The following ARHGAP26 variants were observed in gnomAD, a reference collection of about 807,000 sequenced individuals.
ARHGAP26 encodes the protein rho GTPase-activating protein 26.
In ARHGAP26, 38 loss-of-function variants were observed where a neutral mutation model predicts 104.8. The observed-to-expected ratio is 0.36, with a 90% CI of 0.28 to 0.48. ARHGAP26 has a LOEUF of 0.48. Among genes scored for constraint, ARHGAP26 ranks in the 20% least tolerant of loss-of-function variants. ARHGAP26 has a pLI of 0.99. For missense variants in ARHGAP26, 704 were observed against 947.9 expected, an observed-to-expected ratio of 0.74 and a Z score of 3.38; for synonymous variants, 341 against 340.0, an observed-to-expected ratio of 1.00 and a Z score of -0.03.
chr5:143,106,932 G>T (rs182379364), intron 17 of ARHGAP26, among the ~76,000 whole-genome samples: 44 of 152,310 alleles, frequency 2.9e-4, no homozygotes, highest in African/African-American at 9.1e-4. Flanking sequence ...CAGCTCACAG[G>T]TCTCTTCCCT....
At chr5:143,088,754 C>A (rs2150507673) in intron 17 of ARHGAP26, among the ~76,000 whole-genome samples, 1 of 152,266 alleles carries the variant, frequency 6.6e-6, no homozygotes, top group South Asian at 2.1e-4. Flanking sequence ...GGTTTTTATC[C>A]CTGACATATG....
At chr5:142,805,294 G>A (rs1050352340) in intron 1 of ARHGAP26, among the ~76,000 whole-genome samples, 2 of 151,920 alleles carry the variant, frequency 1.3e-5, no homozygotes, top group Non-Finnish European at 2.9e-5. Context: ...TAGATGTGCG[G>A]TTTTGCCATG....
At chr5:142,778,939 A>G (rs1475706603) in intron 1 of ARHGAP26, among the ~76,000 whole-genome samples, 2 of 138,170 alleles carry the variant, frequency 1.4e-5, no homozygotes, top group Non-Finnish European at 3.0e-5. Context: ...CAACCAAGGG[A>G]TAGAAAAAAA....
chr5:143,181,841 G>A (rs541529384), intron 20 of ARHGAP26, among the ~76,000 whole-genome samples: 3 of 152,240 alleles, frequency 2.0e-5, no homozygotes, highest in Non-Finnish European at 4.4e-5. Flanking sequence ...TCAGGAATTT[G>A]TTTAAAACCC....
chr5:143,187,724 A>G (rs570305085), intron 20 of ARHGAP26, among the ~76,000 whole-genome samples: 170 of 152,332 alleles, frequency 1.1e-3, no homozygotes, highest in Non-Finnish European at 2.0e-3. Context: ...GCTTACCCCT[A>G]TGCAAAATCA....
intron 17 of ARHGAP26, among the ~76,000 whole-genome samples, chr5:143,094,912 G>A (rs1377634232): frequency 3.9e-5 from 6 of 152,136 alleles, no homozygotes; most frequent in African/African-American, 9.7e-5. Context: ...ATCAAAAAAG[G>A]TTGCTTTAAG....
intron 12 of ARHGAP26, among the ~76,000 whole-genome samples, chr5:143,034,124 T>C (rs1027981385): frequency 1.3e-5 from 2 of 152,144 alleles, no homozygotes; most frequent in African/African-American, 4.8e-5. Context: ...TTAGGAGAAA[T>C]TGGAACCCTC....
chr5:143,012,134 A>C (rs545512207), intron 11 of ARHGAP26, among the ~76,000 whole-genome samples: 28 of 152,328 alleles, frequency 1.8e-4, no homozygotes, highest in Admixed American at 1.6e-3. Flanking sequence ...CTTTTCATTC[A>C]TTAGACAATC....
At chr5:142,963,723 T>C (rs1039591124) in intron 11 of ARHGAP26, among the ~76,000 whole-genome samples, 3 of 152,188 alleles carry the variant, frequency 2.0e-5, no homozygotes, top group Non-Finnish European at 4.4e-5. Flanking sequence ...TCCCAACCTC[T>C]AGAACCTTCT....
chr5:143,179,952 A>G (rs755480453), intron 20 of ARHGAP26, among the ~76,000 whole-genome samples: 12 of 152,138 alleles, frequency 7.9e-5, no homozygotes, highest in South Asian at 2.1e-4. Context: ...TCTGGCAACA[A>G]TGGTCATTGT....
chr5:142,971,733 AG>A (rs1260476402), intron 11 of ARHGAP26, among the ~76,000 whole-genome samples: 2 of 152,222 alleles, frequency 1.3e-5, no homozygotes, highest in Non-Finnish European at 2.9e-5. Flanking sequence ...GGAAACCAAA[AG>A]CTTAAAGAGG....
At chr5:142,776,927 G>C (rs76389746) in intron 1 of ARHGAP26, among the ~76,000 whole-genome samples, 6,562 of 152,196 alleles carry the variant, frequency 0.043, 262 homozygotes, top group African/African-American at 0.1. Context: ...GCCAATACTT[G>C]TTGTTGTCTT....
rs143365270 is a variant in ARHGAP26 at position 143,040,247 on chromosome 5, G to T, written c.1211-1569G>T. Among the ~76,000 whole-genome samples, 33 of 152,320 alleles carry T rather than the reference G, an allele frequency of 2.2e-4. No homozygotes were observed. The East Asian group carries it at 6.2e-3, about 28-fold the overall frequency. ...GTTTTTGACCAGGGACTCCTAGTCCGTGAATCATGCAGAATGATGTACATG... is the reference window on the plus strand; with the variant it reads ...GTTTTTGACCAGGGACTCCTAGTCCTTGAATCATGCAGAATGATGTACATG... On this transcript the variant is annotated intron_variant, in intron 13 of 22. Coordinates refer to ENST00000645722, the MANE Select transcript of ARHGAP26 (RefSeq NM_001135608.3).
At chr5:143,176,217 G>A (rs555445865) in intron 20 of ARHGAP26, among the ~76,000 whole-genome samples, 1 of 152,308 alleles carries the variant, frequency 6.6e-6, no homozygotes, top group African/African-American at 2.4e-5. Flanking sequence ...GATTAGCCAA[G>A]CATTTGTTCC....
intron 11 of ARHGAP26, among the ~76,000 whole-genome samples, chr5:143,012,558 T>TATATATATATATATATATAC (rs1778986914): frequency 1.1e-4 from 8 of 72,416 alleles, no homozygotes; most frequent in South Asian, 6.8e-4. Flanking sequence ...CATACATATA[T>TATATATATATATATATATAC]ATATATATAT....
chr5:142,901,835 A>G (rs1760384451), intron 6 of ARHGAP26, 100 bp from the exon 7 acceptor site: 2 of 908,538 alleles, frequency 2.2e-6, no homozygotes, highest in Non-Finnish European at 3.4e-6. Flanking sequence ...ATTATTCTTT[A>G]TTTTAGACTT....
chr5:143,215,459 G>T (rs1400740736), intron 22 of ARHGAP26, among the ~76,000 whole-genome samples: 1 of 152,024 alleles, frequency 6.6e-6, no homozygotes, highest in African/African-American at 2.4e-5. Context: ...ATTTTTTAAC[G>T]GTTTATTAAG....
At chr5:142,833,625 G>A (rs560557238) in intron 1 of ARHGAP26, among the ~76,000 whole-genome samples, 76 of 152,180 alleles carry the variant, frequency 5.0e-4, no homozygotes, top group African/African-American at 1.8e-3. Flanking sequence ...CATTTTTAAG[G>A]GCTTTGGGGA....
In ARHGAP26 at chr5:142,942,533, T is replaced by C. The variant is rs113406277; in HGVS notation, c.1107+10408T>C. Among the ~76,000 whole-genome samples, 348 of 152,326 alleles carry C rather than the reference T, an allele frequency of 2.3e-3. 2 individuals carry two copies. The highest frequency in any genetic ancestry group is 4.1e-3 in the Non-Finnish European group (281 of 68,026). On this transcript the variant is annotated intron_variant, in intron 11 of 22. Transcript: ENST00000645722. ...ACAAGTACTACTGTGGTGTGTTGCCTGCATTCATATTTGAAGGAAACAATA... is the reference window on the plus strand; with the variant it reads ...ACAAGTACTACTGTGGTGTGTTGCCCGCATTCATATTTGAAGGAAACAATA...
Sources: gnomAD v4.1 joint callset for allele counts (sites outside exome capture counted in the v4.1 genomes callset) on GRCh38, gnomAD v4.1.1 for gene constraint, MANE v1.5 for transcripts, NCBI Gene and HGNC (gene_info 2026-07-23, HGNC 2026-07-21) for gene names.